The following VGLL4 variants were observed in gnomAD, a reference collection of about 807,000 sequenced individuals.
VGLL4 encodes the protein vestigial like family member 4.
A neutral mutation model predicts 21.0 loss-of-function variants in VGLL4; 7 were observed. The observed-to-expected ratio is 0.33, with a 90% CI of 0.19 to 0.63. The LOEUF is 0.63. VGLL4 is among the 20% of genes least tolerant of loss of function. VGLL4 has a pLI of 0.78. For synonymous variants in VGLL4, 222 were observed against 173.2 expected (o/e 1.28, Z -2.21); for missense variants, 394 against 425.7 (o/e 0.93, Z 0.66).
chr3:11,567,742 C>T (rs1405222552), intron 2 of VGLL4, among the ~76,000 whole-genome samples: 2 of 152,226 alleles, frequency 1.3e-5, no homozygotes, highest in African/African-American at 4.8e-5. Flanking sequence ...TCTACCTAAA[C>T]GGGACTTGGT....
chr3:11,575,144 G>A (rs1283132397), intron 2 of VGLL4, among the ~76,000 whole-genome samples: 1 of 152,210 alleles, frequency 6.6e-6, no homozygotes, highest in African/African-American at 2.4e-5. Context: ...CTGGCAGGTG[G>A]CAGAGTAGGG....
At chr3:11,612,907 TCTA>T (rs1299486274) in intron 1 of VGLL4, among the ~76,000 whole-genome samples, 8 of 152,216 alleles carry the variant, frequency 5.3e-5, no homozygotes, top group Non-Finnish European at 1.0e-4. Context: ...TACTTGCAAA[TCTA>T]CTTTTGTAAC....
intron 2 of VGLL4, among the ~76,000 whole-genome samples, chr3:11,668,468 G>A (rs1035069309): frequency 6.6e-6 from 1 of 152,060 alleles, no homozygotes; most frequent in Non-Finnish European, 1.5e-5. Context: ...GCAAACTAAC[G>A]AGCCCTATCC....
At chr3:11,581,811 C>T (rs1408512518) in intron 2 of VGLL4, among the ~76,000 whole-genome samples, 1 of 151,900 alleles carries the variant, frequency 6.6e-6, no homozygotes, top group Admixed American at 6.5e-5. Context: ...AAAACATACC[C>T]CCTTTTGGAG....
At chr3:11,682,002 G>A (rs941333629) in intron 2 of VGLL4, among the ~76,000 whole-genome samples, 1 of 152,352 alleles carries the variant, frequency 6.6e-6, no homozygotes, top group African/African-American at 2.4e-5. Flanking sequence ...GCTCACACCT[G>A]TAATCCCAGC....
At chr3:11,685,992 CA>C (rs369852331) in intron 2 of VGLL4, among the ~76,000 whole-genome samples, 1 of 152,204 alleles carries the variant, frequency 6.6e-6, no homozygotes, top group African/African-American at 2.4e-5. Context: ...AACGAGATAC[CA>C]CCTCACGCTT....
intron 1 of VGLL4, among the ~76,000 whole-genome samples, chr3:11,634,753 C>G (rs1453927528): frequency 6.6e-6 from 1 of 151,958 alleles, no homozygotes; most frequent in African/African-American, 2.4e-5. Flanking sequence ...TATTGGCTCA[C>G]TGCAACCGCC....
intron 2 of VGLL4, among the ~76,000 whole-genome samples, chr3:11,659,326 C>CTTTTTTTTTT (rs5846714): frequency 7.1e-5 from 5 of 70,818 alleles, no homozygotes; most frequent in Non-Finnish European, 1.0e-4. Flanking sequence ...TTTTCTTTTT[C>CTTTTTTTTTT]TTTTTTTTTT....
At chr3:11,703,013 A>G in exon 2 of VGLL4, 1 of 1,613,252 alleles carries the variant, frequency 6.2e-7, no homozygotes. Context: ...GCCCTGGACA[A>G]AACATCCAAT....
intron 2 of VGLL4, among the ~76,000 whole-genome samples, chr3:11,567,146 C>T (rs979027699): frequency 2.0e-5 from 3 of 152,152 alleles, no homozygotes; most frequent in Non-Finnish European, 2.9e-5. Flanking sequence ...CAGGGGCACG[C>T]GCTCAGCTTA....
chr3:11,676,394 C>CAA (rs1219773138), intron 2 of VGLL4, among the ~76,000 whole-genome samples: 12 of 54,338 alleles, frequency 2.2e-4, no homozygotes, highest in African/African-American at 6.0e-4. Flanking sequence ...GACTCTGTCT[C>CAA]AAAAAAAAAA....
Position 11,568,369 on chromosome 3 carries a change from G to C in VGLL4, c.273-3350C>G, listed in dbSNP as rs2073629389. ...CAGGGCCGCCAGCTGCCAGGGCAGAGGTAAGGACGGGGCAGCCCTGCACCT... is the reference window on the plus strand; with the variant it reads ...CAGGGCCGCCAGCTGCCAGGGCAGACGTAAGGACGGGGCAGCCCTGCACCT... On this transcript the variant is annotated intron_variant, in intron 2 of 4. Transcript: ENST00000430365. The surrounding 1 kb of genome is among the most constrained non-coding windows in gnomAD (Gnocchi z 5.9). 6.6e-6 allele frequency among the ~76,000 whole-genome samples: 1 copy of C among 152,208 alleles called. No individual in the cohort carries two copies.
At chr3:11,701,320 C>A (rs1272009059) in intron 2 of VGLL4, among the ~76,000 whole-genome samples, 1 of 151,134 alleles carries the variant, frequency 6.6e-6, no homozygotes, top group Non-Finnish European at 1.5e-5. Context: ...TCACCTTCTG[C>A]CAGGAGTAAA....
Position 11,706,571 on chromosome 3 carries a change from T to G in VGLL4, c.-13-3524A>C, listed in dbSNP as rs369490726. Reference sequence around the variant, plus strand: ...AGCTAACGTGTTTGCCTTGTGCACATCTATTTTTTGTTTGGGGGTGGTTTG... The same window carrying G: ...AGCTAACGTGTTTGCCTTGTGCACAGCTATTTTTTGTTTGGGGGTGGTTTG... On this transcript the variant is annotated intron_variant, in intron 1 of 5. Coordinates refer to the VGLL4 transcript ENST00000273038. 3.9e-5 allele frequency among the ~76,000 whole-genome samples: 6 copies of G among 152,314 alleles called. No individual in the cohort carries two copies. In the South Asian group the frequency reaches 1.2e-3, roughly 32 times the overall value.
chr3:11,588,311 A>C (rs1324715195), intron 2 of VGLL4, among the ~76,000 whole-genome samples: 1 of 152,218 alleles, frequency 6.6e-6, no homozygotes, highest in Non-Finnish European at 1.5e-5. Flanking sequence ...ACTGTAGCAG[A>C]GTGTCATCGT....
At chr3:11,677,909 CAA>C (rs35366594) in intron 2 of VGLL4, among the ~76,000 whole-genome samples, 7 of 120,856 alleles carry the variant, frequency 5.8e-5, no homozygotes, top group Admixed American at 2.7e-4. Context: ...CTTCGTCTTT[CAA>C]AAAAAAAAAA....
chr3:11,662,233 C>A (rs916505370), intron 2 of VGLL4, among the ~76,000 whole-genome samples: 6 of 152,186 alleles, frequency 3.9e-5, no homozygotes, highest in Non-Finnish European at 7.3e-5. Flanking sequence ...CTGAGTCAAA[C>A]TGCACCCGAA....
At chr3:11,584,357 A>C (rs554498534) in intron 2 of VGLL4, among the ~76,000 whole-genome samples, 1 of 151,998 alleles carries the variant, frequency 6.6e-6, no homozygotes, top group Admixed American at 6.6e-5. Flanking sequence ...AACAAACAAA[A>C]AAACACACAA....
In VGLL4 at chr3:11,716,778, G is replaced by A. The variant is rs1469750637; in HGVS notation, c.-14+3616C>T. 2.6e-5 allele frequency among the ~76,000 whole-genome samples: 4 copies of A among 152,016 alleles called. No homozygotes were observed. In the South Asian group the frequency reaches 6.2e-4, roughly 24 times the overall value. On this transcript the variant is annotated intron_variant, in intron 1 of 5. Coordinates refer to the VGLL4 transcript ENST00000273038. The stretch of plus-strand genomic sequence containing the variant: ...TCTTGCATCAAGATTTTGCAATCTA[G>A]TTCTTATGATACTGGGTTTTTTTTT...
Sources: allele counts gnomAD v4.1 joint callset (sites outside exome capture counted in the v4.1 genomes callset), GRCh38; gene constraint gnomAD v4.1.1; non-coding constraint Gnocchi (gnomAD v3.1); transcripts MANE v1.5; gene names NCBI Gene and HGNC (gene_info 2026-07-23, HGNC 2026-07-21).